Variants in FBXW8 observed in about 807,000 individuals in gnomAD.
FBXW8 encodes the protein F-box and WD repeat domain containing 8.
A neutral mutation model predicts 65.3 loss-of-function variants in FBXW8; 57 were observed. That is an observed-to-expected ratio of 0.87 (90% confidence interval 0.71 to 1.09). FBXW8 has a LOEUF of 1.09. Among genes scored for constraint, FBXW8 ranks in the 50% least tolerant of loss-of-function variants. FBXW8 has a pLI of 0.00. For synonymous variants in FBXW8, 308 were observed against 330.2 expected (o/e 0.93, Z 0.73); for missense variants, 777 against 814.8 (o/e 0.95, Z 0.57).
intron 7 of FBXW8, chr12:117,002,901 G>C (rs957942747): frequency 2.0e-5 from 3 of 152,148 alleles, no homozygotes; most frequent in Non-Finnish European, 2.9e-5. Context: ...CATGAACGTT[G>C]ATAGGCACAC....
intron 2 of FBXW8, among the ~76,000 whole-genome samples, chr12:116,944,254 G>A (rs561812838): frequency 1.3e-5 from 2 of 152,226 alleles, no homozygotes; most frequent in South Asian, 2.1e-4. Context: ...AAAGTTGATC[G>A]ATCATTTTTG....
At chr12:116,913,396 A>G (rs527376599) in intron 1 of FBXW8, among the ~76,000 whole-genome samples, 2 of 152,334 alleles carry the variant, frequency 1.3e-5, no homozygotes, top group African/African-American at 4.8e-5. Context: ...ACTCTCCCAA[A>G]ACTTAACTAC....
chr12:116,933,542 T>TC (rs1415575877), intron 2 of FBXW8, among the ~76,000 whole-genome samples: 1 of 152,242 alleles, frequency 6.6e-6, no homozygotes, highest in African/African-American at 2.4e-5. Flanking sequence ...AACACAGTAG[T>TC]CCAATTGTCC....
At chr12:117,011,173 C>G (rs907251071) in intron 8 of FBXW8, among the ~76,000 whole-genome samples, 36 of 128,636 alleles carry the variant, frequency 2.8e-4, no homozygotes, top group African/African-American at 1.1e-3. Flanking sequence ...TGATCCAGTG[C>G]CCTGAAGAGA....
At chr12:117,006,226 C>G (rs1220392147) in intron 7 of FBXW8, among the ~76,000 whole-genome samples, 1 of 152,138 alleles carries the variant, frequency 6.6e-6, no homozygotes, top group Non-Finnish European at 1.5e-5. Context: ...TTTCCTCATT[C>G]ATCAGTATAG....
At chr12:116,935,205 T>C (rs1327844086) in intron 2 of FBXW8, among the ~76,000 whole-genome samples, 2 of 152,152 alleles carry the variant, frequency 1.3e-5, no homozygotes, top group African/African-American at 2.4e-5. Flanking sequence ...TATGATAATA[T>C]TGGTGAGCAA....
chr12:117,000,170 G>A (rs765224431), intron 7 of FBXW8, among the ~76,000 whole-genome samples: 13 of 152,116 alleles, frequency 8.5e-5, no homozygotes, highest in Admixed American at 2.0e-4. Context: ...TAGAGACGTG[G>A]TTTCACCGTG....
At chr12:116,914,160 C>T (rs1331454936) in intron 1 of FBXW8, among the ~76,000 whole-genome samples, 1 of 152,140 alleles carries the variant, frequency 6.6e-6, no homozygotes, top group Non-Finnish European at 1.5e-5. Flanking sequence ...TTAGTTCTAG[C>T]TACTTGGGAG....
intron 7 of FBXW8, among the ~76,000 whole-genome samples, chr12:116,997,081 G>A (rs1953394980): frequency 6.6e-6 from 1 of 152,190 alleles, no homozygotes; most frequent in East Asian, 1.9e-4. Flanking sequence ...ATCCATAGTT[G>A]ATATAATTGT....
rs1162324349 is a variant in FBXW8, at chr12:117,030,821, T to G, written c.*2649T>G. ...TTTTCTACTGCAAACCTCCACATCC[T>G]GGAATCAATCACACTGACAGGGAAA... On this transcript the variant is annotated 3_prime_UTR_variant, in exon 11 of 11. Coordinates refer to ENST00000652555, the MANE Select transcript of FBXW8 (RefSeq NM_153348.3). The G allele has an allele frequency of 6.6e-6, 1 of 152,234 alleles. No individual in the cohort carries two copies. The highest frequency in any genetic ancestry group is 1.5e-5 in the Non-Finnish European group (1 of 68,046). The allele number at this position is 152,234 out of a possible 1,614,324, so 9.4% of individuals were successfully genotyped here. A position where few individuals can be genotyped will look rare whatever the true frequency, so the allele number is the denominator to read the frequency against.
intron 7 of FBXW8, among the ~76,000 whole-genome samples, chr12:116,999,586 G>C (rs941718091): frequency 6.6e-6 from 1 of 152,068 alleles, no homozygotes; most frequent in African/African-American, 2.4e-5. Context: ...TACTCTTGTG[G>C]CACCTGTCCA....
chr12:116,919,993 T>G (rs1035006006), intron 1 of FBXW8, among the ~76,000 whole-genome samples: 2 of 152,252 alleles, frequency 1.3e-5, no homozygotes, highest in African/African-American at 4.8e-5. Context: ...CTGGCTAATA[T>G]GCAGTGAGAC....
At chr12:116,929,414 T>C (rs1175543769) in intron 2 of FBXW8, among the ~76,000 whole-genome samples, 1 of 151,928 alleles carries the variant, frequency 6.6e-6, no homozygotes, top group African/African-American at 2.4e-5. Context: ...TTTGTATTTT[T>C]AGTAGAGACA....
intron 8 of FBXW8, among the ~76,000 whole-genome samples, chr12:117,017,538 A>G (rs1953980174): frequency 6.6e-6 from 1 of 152,198 alleles, no homozygotes; most frequent in African/African-American, 2.4e-5. Context: ...AGTGCTTTGT[A>G]GATAAAGCTA....
chr12:117,028,026 A>T lies in FBXW8; in HGVS notation c.1653-2A>T. On this transcript the variant is annotated splice_acceptor_variant, in intron 10 of 10. Coordinates refer to ENST00000652555, the MANE Select transcript of FBXW8 (RefSeq NM_153348.3). LOFTEE classifies it high-confidence loss of function. The surrounding 1 kb of genome is among the most constrained non-coding windows in gnomAD (Gnocchi z 4.1). ...CTGTCACCATCTTTGTGCTCTTTCT[A>T]GACACCGGGGGCTGATCCGCGCCTA... The T allele has an allele frequency of 6.2e-7, 1 of 1,613,988 alleles. No homozygotes were observed. The highest frequency in any genetic ancestry group is 1.1e-5 in the South Asian group (1 of 91,082).
intron 3 of FBXW8, among the ~76,000 whole-genome samples, chr12:116,947,109 A>T (rs573301222): frequency 2.0e-5 from 3 of 152,306 alleles, no homozygotes; most frequent in African/African-American, 4.8e-5. Context: ...TGGAGGTGGC[A>T]GAAGTGACGA....
At chr12:116,939,025 G>A (rs1040854529) in intron 2 of FBXW8, among the ~76,000 whole-genome samples, 1 of 152,156 alleles carries the variant, frequency 6.6e-6, no homozygotes, top group Non-Finnish European at 1.5e-5. Flanking sequence ...CATGGTTAGT[G>A]CCCAAAACAT....
At chr12:116,963,583 A>G (rs535552084) in intron 4 of FBXW8, among the ~76,000 whole-genome samples, 1 of 152,314 alleles carries the variant, frequency 6.6e-6, no homozygotes, top group African/African-American at 2.4e-5. Context: ...TAGCCTGGGC[A>G]ACAGAGTGAG....
chr12:116,945,718 C>T (rs1882888505), intron 3 of FBXW8, among the ~76,000 whole-genome samples, 190 bp downstream of exon 3: 1 of 152,166 alleles, frequency 6.6e-6, no homozygotes, highest in Non-Finnish European at 1.5e-5. Flanking sequence ...CTGTTTTCAG[C>T]CTCAAGATTT....
Sources: gnomAD v4.1 joint callset for allele counts (sites outside exome capture counted in the v4.1 genomes callset) on GRCh38, gnomAD v4.1.1 for gene constraint, Gnocchi (gnomAD v3.1) non-coding constraint, MANE v1.5 for transcripts, NCBI Gene and HGNC (gene_info 2026-07-23, HGNC 2026-07-21) for gene names.